Variants in DPP10 observed in about 807,000 individuals in gnomAD.
The protein encoded by DPP10 is dipeptidyl peptidase like 10.
A neutral mutation model predicts 120.9 loss-of-function variants in DPP10; 33 were observed. That is an observed-to-expected ratio of 0.27 (90% CI 0.21 to 0.37). DPP10 has a LOEUF of 0.37. DPP10 is among the 10% of genes least tolerant of loss of function. The pLI, the probability that DPP10 is intolerant of heterozygous loss-of-function variation, is 1.00. For synonymous variants in DPP10, 337 were observed against 326.1 expected (o/e 1.03, Z -0.36); for missense variants, 816 against 942.8 (o/e 0.87, Z 1.76).
chr2:114,712,375 T>A (rs1459286568), intron 1 of DPP10, among the ~76,000 whole-genome samples: 1 of 152,182 alleles, frequency 6.6e-6, no homozygotes, highest in Non-Finnish European at 1.5e-5. Flanking sequence ...TTTTCCTTAA[T>A]TTTGGAAATC....
intron 1 of DPP10, among the ~76,000 whole-genome samples, chr2:114,574,075 T>G (rs925812151): frequency 6.6e-6 from 1 of 152,168 alleles, no homozygotes; most frequent in Admixed American, 6.5e-5. Context: ...AGAAATATCC[T>G]GTTTTATGCA....
intron 1 of DPP10, among the ~76,000 whole-genome samples, chr2:114,722,871 C>A (rs1452392734): frequency 1.3e-5 from 2 of 149,268 alleles, no homozygotes; most frequent in Non-Finnish European, 3.0e-5. Flanking sequence ...TGTTGGTCAT[C>A]AAGTACACAG....
intron 3 of DPP10, among the ~76,000 whole-genome samples, chr2:115,419,218 C>G (rs1238928378): frequency 1.3e-5 from 2 of 152,122 alleles, no homozygotes; most frequent in East Asian, 3.9e-4. Context: ...ATACACACAT[C>G]TAAATATCAA....
chr2:114,876,338 T>A (rs1691160469), intron 1 of DPP10, among the ~76,000 whole-genome samples: 1 of 152,056 alleles, frequency 6.6e-6, no homozygotes, highest in Non-Finnish European at 1.5e-5. Context: ...TTCGGTGGAC[T>A]TCCATTCACA....
rs1025524207 is a variant in DPP10, at chr2:114,442,697, C to G, written c.-82C>G. On this transcript the variant is annotated 5_prime_UTR_variant, in exon 1 of 26. Transcript: ENST00000410059. Reference sequence around the variant, plus strand: ...GCAGCAGCAACAGCAGCAGCCCCTACTGAAGTCCAATAGAGGAGACTTGAT... The same window carrying G: ...GCAGCAGCAACAGCAGCAGCCCCTAGTGAAGTCCAATAGAGGAGACTTGAT... 3 of 1,527,170 alleles carry G rather than the reference C, an allele frequency of 2.0e-6. No homozygotes were observed. Among genetic ancestry groups the G allele is most frequent in the Non-Finnish European group, 2.7e-6 (3 of 1,109,232 alleles). The allele number at this position is 1,527,170 out of a possible 1,614,324, so 94.6% of individuals were successfully genotyped here.
intron 1 of DPP10, among the ~76,000 whole-genome samples, chr2:115,228,038 A>G (rs963299151): frequency 1.3e-5 from 2 of 151,068 alleles, no homozygotes; most frequent in African/African-American, 4.9e-5. Context: ...TTCTCCTGCT[A>G]CGGCCTCCTG....
intron 1 of DPP10, among the ~76,000 whole-genome samples, chr2:114,760,956 G>T (rs950816230): frequency 2.6e-5 from 4 of 152,100 alleles, no homozygotes; most frequent in Admixed American, 6.5e-5. Context: ...AGTAAAGTAA[G>T]GGAAATCAAA....
intron 1 of DPP10, among the ~76,000 whole-genome samples, chr2:114,985,549 T>C (rs1354405646): frequency 6.6e-6 from 1 of 152,142 alleles, no homozygotes; most frequent in Non-Finnish European, 1.5e-5. Flanking sequence ...AGTAAGCAAG[T>C]GGTAAATGTC....
chr2:115,269,850 A>T (rs1018103658), intron 1 of DPP10, among the ~76,000 whole-genome samples: 1 of 152,110 alleles, frequency 6.6e-6, no homozygotes, highest in East Asian at 1.9e-4. Context: ...GAAGCTGCCT[A>T]TCAAAGTACT....
chr2:115,121,172 T>C (rs1334799962), intron 1 of DPP10, among the ~76,000 whole-genome samples: 1 of 152,186 alleles, frequency 6.6e-6, no homozygotes, highest in Non-Finnish European at 1.5e-5. Flanking sequence ...AGAGTTTGGG[T>C]AGATATTAAG....
chr2:115,676,150 C>A (rs1255440626), intron 5 of DPP10, among the ~76,000 whole-genome samples: 8 of 152,200 alleles, frequency 5.3e-5, no homozygotes, highest in African/African-American at 1.9e-4. Context: ...ATGCCATGAA[C>A]TTGTGCATTT....
At chr2:114,822,389 G>T (rs973673900) in intron 1 of DPP10, among the ~76,000 whole-genome samples, 1 of 152,010 alleles carries the variant, frequency 6.6e-6, no homozygotes, top group African/African-American at 2.4e-5. Context: ...GGGGCCCAGG[G>T]CCTGGCCCAT....
At chr2:115,754,415 T>C (rs1301110571) in intron 11 of DPP10, among the ~76,000 whole-genome samples, 1 of 152,144 alleles carries the variant, frequency 6.6e-6, no homozygotes, top group African/African-American at 2.4e-5. Flanking sequence ...AATCTGCAAG[T>C]TGCAAAGTAC....
intron 5 of DPP10, among the ~76,000 whole-genome samples, chr2:115,587,137 G>T (rs1467476221): frequency 8.3e-6 from 1 of 121,074 alleles, no homozygotes; most frequent in African/African-American, 3.4e-5. Context: ...TCACTAAGTC[G>T]CTCAGGCTGG....
rs756039487 is a variant in DPP10 at position 115,450,321 on chromosome 2, CATTGAA to C, written c.272-49184_272-49179del. ...AGATAAAAATTCAAAATTCACAGTACATTGAAATTGTGATGGTTTTATATCATCGCA... is the reference window on the plus strand; with the variant it reads ...AGATAAAAATTCAAAATTCACAGTACATTGTGATGGTTTTATATCATCGCA... On this transcript the variant is annotated intron_variant, in intron 3 of 25. Transcript: ENST00000410059. 6.2e-4 allele frequency among the ~76,000 whole-genome samples: 94 copies of C among 151,900 alleles called. 1 individual carries two copies. Among genetic ancestry groups the C allele is most frequent in the Non-Finnish European group, 1.6e-4 (11 of 67,886 alleles).
chr2:115,163,314 C>A (rs1307184919), intron 1 of DPP10, among the ~76,000 whole-genome samples: 1 of 152,162 alleles, frequency 6.6e-6, no homozygotes, highest in African/African-American at 2.4e-5. Context: ...TCTCTCCTGG[C>A]TTGCGGTTTC....
chr2:114,462,195 AC>A (rs1214685445), intron 1 of DPP10: 3 of 980,132 alleles, frequency 3.1e-6, no homozygotes, highest in Non-Finnish European at 2.4e-6. Flanking sequence ...TTTGATATTT[AC>A]CGACAAGTTG....
intron 3 of DPP10, among the ~76,000 whole-genome samples, chr2:115,484,869 T>C (rs2075671124): frequency 6.6e-6 from 1 of 152,124 alleles, no homozygotes; most frequent in African/African-American, 2.4e-5. Context: ...TAGAAAATGG[T>C]AACAATGACT....
chr2:114,937,619 C>T (rs765268292), intron 1 of DPP10, among the ~76,000 whole-genome samples: 6 of 152,118 alleles, frequency 3.9e-5, no homozygotes, highest in East Asian at 1.9e-4. Context: ...GGTCTTGTGC[C>T]GGTCTTTAGC....
Sources: gnomAD v4.1 joint callset for allele counts (sites outside exome capture counted in the v4.1 genomes callset) on GRCh38, gnomAD v4.1.1 for gene constraint, MANE v1.5 for transcripts, NCBI Gene and HGNC (gene_info 2026-07-23, HGNC 2026-07-21) for gene names.